ADAM22: variants seen among roughly 807,000 people sequenced by gnomAD.
ADAM22 encodes ADAM metallopeptidase domain 22.
In ADAM22, 65 loss-of-function variants were observed where a neutral mutation model predicts 144.6. The observed-to-expected ratio is 0.45, with a 90% CI of 0.37 to 0.55. The LOEUF (loss-of-function observed/expected upper bound fraction) is 0.55, where lower values mean the gene tolerates loss of function less well. ADAM22 is among the 20% of genes least tolerant of loss of function. The pLI is 0.00. For synonymous variants in ADAM22, 391 were observed against 412.6 expected, an observed-to-expected ratio of 0.95 and a Z score of 0.63; for missense variants, 974 against 1,184.9, an observed-to-expected ratio of 0.82 and a Z score of 2.61.
chr7:87,974,111 AAG>A (rs940692413), intron 2 of ADAM22, among the ~76,000 whole-genome samples: 14 of 150,872 alleles, frequency 9.3e-5, no homozygotes, highest in Non-Finnish European at 1.9e-4. Flanking sequence ...AAAAAAAAAA[AAG>A]AGAAACCTTG....
At chr7:87,937,378 G>C (rs1254587302) in intron 2 of ADAM22, among the ~76,000 whole-genome samples, 1 of 152,096 alleles carries the variant, frequency 6.6e-6, no homozygotes, top group Non-Finnish European at 1.5e-5. Flanking sequence ...GAGTTGCTCA[G>C]AGTCAAGATT....
At chr7:88,164,839 G>GAT (rs1201401338) in intron 23 of ADAM22, among the ~76,000 whole-genome samples, 1 of 152,100 alleles carries the variant, frequency 6.6e-6, no homozygotes, top group East Asian at 1.9e-4. Context: ...CCTGACATAT[G>GAT]ATATAGCAAC....
chr7:87,991,829 G>C (rs980952579), intron 3 of ADAM22, among the ~76,000 whole-genome samples: 1 of 152,208 alleles, frequency 6.6e-6, no homozygotes, highest in Non-Finnish European at 1.5e-5. Context: ...GTTAACCATA[G>C]TAAGTTTGAG....
intron 22 of ADAM22, among the ~76,000 whole-genome samples, chr7:88,157,992 T>C (rs1291527719): frequency 1.3e-5 from 2 of 152,164 alleles, no homozygotes; most frequent in African/African-American, 4.8e-5. Flanking sequence ...CAAGGTGTGC[T>C]GTCTTCAAGA....
chr7:88,075,300 T>TA (rs1349024961), intron 3 of ADAM22, among the ~76,000 whole-genome samples: 2 of 152,126 alleles, frequency 1.3e-5, no homozygotes, highest in Admixed American at 6.5e-5. Flanking sequence ...AAAGTTAAAG[T>TA]AAAAAATTAA....
At position 88,006,128 on chromosome 7, in the gene ADAM22, A is replaced by G. The variant is rs554398527; in HGVS notation, c.323+27716A>G. Among the ~76,000 whole-genome samples the G allele has an allele frequency of 1.2e-4, 18 of 152,226 alleles. No homozygotes were observed. In the South Asian group the frequency reaches 3.7e-3, roughly 32 times the overall value. On this transcript the variant is annotated intron_variant, in intron 3 of 31. Transcript: ENST00000413139. ...TTCTTTTTTCATTAGTTATAAATAT[A>G]TCCATGCTTAACTTTGTAATTATAA... is the stretch of plus-strand genomic sequence containing the variant.
At chr7:88,082,099 A>G (rs1293129127) in intron 4 of ADAM22, among the ~76,000 whole-genome samples, 1 of 152,242 alleles carries the variant, frequency 6.6e-6, no homozygotes, top group East Asian at 1.9e-4. Flanking sequence ...CTACAAGGCT[A>G]CAGTAACCAA....
intron 3 of ADAM22, among the ~76,000 whole-genome samples, chr7:87,997,500 T>TA (rs1384542992): frequency 6.6e-6 from 1 of 152,262 alleles, no homozygotes; most frequent in African/African-American, 2.4e-5. Flanking sequence ...CGCTTCTTTG[T>TA]AGAGGCTCTG....
At chr7:88,033,243 A>G (rs1286790150) in intron 3 of ADAM22, among the ~76,000 whole-genome samples, 3 of 152,228 alleles carry the variant, frequency 2.0e-5, no homozygotes, top group Admixed American at 2.0e-4. Flanking sequence ...CTGCAGCTGT[A>G]TCTGCATTAG....
intron 2 of ADAM22, among the ~76,000 whole-genome samples, chr7:87,937,768 A>G (rs913091446): frequency 6.6e-6 from 1 of 152,218 alleles, no homozygotes; most frequent in African/African-American, 2.4e-5. Flanking sequence ...GTATGAATGA[A>G]TTGGTAGGAT....
intron 2 of ADAM22, among the ~76,000 whole-genome samples, chr7:87,962,720 A>G (rs765850248): frequency 3.9e-5 from 6 of 152,080 alleles, no homozygotes; most frequent in African/African-American, 7.2e-5. Context: ...AGTAGCTACA[A>G]CAACAAGCAC....
chr7:88,164,866 C>T (rs1363352269), intron 23 of ADAM22, among the ~76,000 whole-genome samples: 1 of 152,066 alleles, frequency 6.6e-6, no homozygotes, highest in Non-Finnish European at 1.5e-5. Flanking sequence ...TTGAAGAAGC[C>T]AGGCGACCTG....
intron 3 of ADAM22, among the ~76,000 whole-genome samples, chr7:88,020,035 T>C (rs1412891650): frequency 6.6e-6 from 1 of 152,136 alleles, no homozygotes; most frequent in Non-Finnish European, 1.5e-5. Context: ...ACAAAAATAG[T>C]GAAAGCCATC....
chr7:87,961,919 G>A (rs1848079604), intron 2 of ADAM22, among the ~76,000 whole-genome samples: 1 of 152,154 alleles, frequency 6.6e-6, no homozygotes, highest in South Asian at 2.1e-4. Flanking sequence ...TTTTGTGTAG[G>A]TTTGTTTCCT....
chr7:88,071,391 A>ATTTTTTTTTTTTTTTTTTTTTT (rs71297113), intron 3 of ADAM22, among the ~76,000 whole-genome samples: 2 of 126,060 alleles, frequency 1.6e-5, no homozygotes, highest in Non-Finnish European at 1.7e-5. Flanking sequence ...TTATGAAGTG[A>ATTTTTTTTTTTTTTTTTTTTTT]TTTTTTTTTT....
intron 2 of ADAM22, among the ~76,000 whole-genome samples, chr7:87,957,228 A>G (rs769159255): frequency 6.6e-6 from 1 of 152,150 alleles, no homozygotes; most frequent in Non-Finnish European, 1.5e-5. Context: ...TTTCCTGGCA[A>G]TAATATTAGG....
At chr7:88,108,489 G>T (rs1825086290) in intron 5 of ADAM22, among the ~76,000 whole-genome samples, 1 of 151,884 alleles carries the variant, frequency 6.6e-6, no homozygotes, top group Non-Finnish European at 1.5e-5. Context: ...GCACTTTGGG[G>T]GGGTCTAGGC....
chr7:88,114,030 T>C (rs914638427), intron 5 of ADAM22, among the ~76,000 whole-genome samples: 4 of 152,100 alleles, frequency 2.6e-5, no homozygotes, highest in African/African-American at 9.7e-5. Context: ...ATAGTCGTTG[T>C]ACTTCTCTTG....
rs568862679 is a variant in ADAM22 at position 88,158,700 on chromosome 7, T to C, written c.1907+2694T>C. The stretch of plus-strand genomic sequence containing the variant: ...ATTAAGGCAGAAATCAAGAAGTTCT[T>C]TGAAACTAATGAGAAAAAAGATACA... On this transcript the variant is annotated intron_variant, in intron 22 of 31. Coordinates refer to ENST00000413139, the MANE Select transcript of ADAM22 (RefSeq NM_001324418.2). Among the ~76,000 whole-genome samples, 6 of 152,172 alleles carry C rather than the reference T, an allele frequency of 3.9e-5. No individual in the cohort carries two copies. The South Asian group carries it at 8.3e-4, about 21-fold the overall frequency.
Sources: allele counts gnomAD v4.1 joint callset (sites outside exome capture counted in the v4.1 genomes callset), GRCh38; gene constraint gnomAD v4.1.1; transcripts MANE v1.5; gene names NCBI Gene and HGNC (gene_info 2026-07-23, HGNC 2026-07-21).